The following ELMO1 variants were observed in gnomAD, a reference collection of about 807,000 sequenced individuals.
ELMO1 encodes engulfment and cell motility protein 1.
Under a neutral mutation model 98.9 loss-of-function variants are expected in ELMO1, and 26 were observed. The ratio of observed to expected loss-of-function variants is 0.26; its 90% confidence interval spans 0.19 to 0.36. The LOEUF is 0.36. Ranked by LOEUF, ELMO1 falls within the 10% of genes least tolerant of loss-of-function variation. The pLI is 1.00. For missense variants in ELMO1, 627 were observed against 935.2 expected, an observed-to-expected ratio of 0.67 and a Z score of 4.30; for synonymous variants, 346 against 346.0, an observed-to-expected ratio of 1.00 and a Z score of 0.00.
At chr7:37,062,561 C>T (rs1312621676) in intron 15 of ELMO1, among the ~76,000 whole-genome samples, 1 of 152,120 alleles carries the variant, frequency 6.6e-6, no homozygotes, top group East Asian at 1.9e-4. Flanking sequence ...TCCTCTTTCT[C>T]CTTTCCCCAA....
At chr7:37,244,808 A>G (rs1794916167) in intron 6 of ELMO1, among the ~76,000 whole-genome samples, 1 of 152,192 alleles carries the variant, frequency 6.6e-6, no homozygotes, top group Non-Finnish European at 1.5e-5. Context: ...TAGAATGTCC[A>G]CTAATTTTAC....
intron 1 of ELMO1, among the ~76,000 whole-genome samples, chr7:37,364,343 T>A (rs187410957): frequency 6.6e-6 from 1 of 152,282 alleles, no homozygotes; most frequent in Admixed American, 6.5e-5. Flanking sequence ...GTTAAATCTA[T>A]GACTAAAATT....
At chr7:36,967,979 T>G (rs1472224175) in intron 16 of ELMO1, among the ~76,000 whole-genome samples, 2 of 152,212 alleles carry the variant, frequency 1.3e-5, no homozygotes, top group Non-Finnish European at 2.9e-5. Context: ...TTTAGTAAGT[T>G]TATTATCTAA....
At chr7:37,192,989 A>G (rs1336471458) in intron 13 of ELMO1, among the ~76,000 whole-genome samples, 1 of 68,618 alleles carries the variant, frequency 1.5e-5, no homozygotes, top group Non-Finnish European at 2.9e-5. Flanking sequence ...ATATATATAT[A>G]TATATATATA....
At position 37,292,950 on chromosome 7, in the gene ELMO1, C is replaced by T. The variant is rs1262803117; in HGVS notation, c.193-21068G>A. Among the ~76,000 whole-genome samples the T allele has an allele frequency of 2.3e-4, 12 of 52,944 alleles. 2 individuals are homozygous for T. The highest frequency in any genetic ancestry group is 5.9e-4 in the African/African-American group (11 of 18,780). 34.7% of individuals were successfully genotyped at this position (52,944 alleles called of 152,430 possible). ...CAGTCCCCCGCCTGGCCAGCCGCCC[C>T]GTCCGGGAAGTGAGGGGCGCCTCTG... On this transcript the variant is annotated intron_variant, in intron 4 of 21. Coordinates refer to ENST00000310758, the MANE Select transcript of ELMO1 (RefSeq NM_014800.11).
At chr7:37,331,357 G>GTTTTTTTTTTTT (rs1371395526) in intron 2 of ELMO1, among the ~76,000 whole-genome samples, 3 of 77,202 alleles carry the variant, frequency 3.9e-5, no homozygotes, top group Non-Finnish European at 7.2e-5. Context: ...TTTTTTTTTG[G>GTTTTTTTTTTTT]AATTTTAGTA....
At chr7:37,242,277 AT>A (rs2130695115) in intron 7 of ELMO1, among the ~76,000 whole-genome samples, 1 of 152,226 alleles carries the variant, frequency 6.6e-6, no homozygotes, top group African/African-American at 2.4e-5. Flanking sequence ...GTGCTTTTCA[AT>A]TTTATAACTG....
intron 1 of ELMO1, among the ~76,000 whole-genome samples, chr7:37,417,118 G>T (rs1011690505): frequency 2.0e-4 from 31 of 152,306 alleles, no homozygotes; most frequent in African/African-American, 7.5e-4. Flanking sequence ...GGAAACTGAG[G>T]CACAGAAGTT....
intron 16 of ELMO1, among the ~76,000 whole-genome samples, chr7:36,970,213 A>ACACACACACACACG (rs1789811942): frequency 6.7e-6 from 1 of 149,520 alleles, no homozygotes; most frequent in African/African-American, 2.5e-5. Context: ...ACACACACAC[A>ACACACACACACACG]CACACACGCA....
chr7:36,887,308 C>T (rs983063613), intron 18 of ELMO1, among the ~76,000 whole-genome samples: 1 of 152,210 alleles, frequency 6.6e-6, no homozygotes, highest in Non-Finnish European at 1.5e-5. Context: ...CTATTGTTGA[C>T]ACCACCACTA....
At chr7:37,399,524 A>C (rs941617094) in intron 1 of ELMO1, among the ~76,000 whole-genome samples, 4 of 152,196 alleles carry the variant, frequency 2.6e-5, no homozygotes, top group Non-Finnish European at 5.9e-5. Context: ...GAAGCCAAGC[A>C]CTTGCCCACT....
chr7:37,048,329 A>G (rs76484311), intron 15 of ELMO1, among the ~76,000 whole-genome samples: 2,954 of 152,296 alleles, frequency 0.019, 43 homozygotes, highest in Non-Finnish European at 0.026. Context: ...ATAAAAATCT[A>G]TTTTACCAAT....
chr7:37,276,596 G>A (rs1218049812), intron 4 of ELMO1, among the ~76,000 whole-genome samples: 1 of 152,208 alleles, frequency 6.6e-6, no homozygotes, highest in Non-Finnish European at 1.5e-5. Context: ...GGGTGACGGA[G>A]CGAGACTCCG....
intron 1 of ELMO1, among the ~76,000 whole-genome samples, chr7:37,416,918 C>G (rs183938427): frequency 4.0e-4 from 61 of 152,294 alleles, no homozygotes; most frequent in African/African-American, 1.4e-3. Context: ...ACAGTGTTTA[C>G]TTTTGTGTTT....
At chr7:37,075,186 G>T (rs1413768387) in intron 15 of ELMO1, among the ~76,000 whole-genome samples, 1 of 143,368 alleles carries the variant, frequency 7.0e-6, no homozygotes, top group African/African-American at 2.6e-5. Flanking sequence ...TCGCTCTGTT[G>T]CCCAGGCTGG....
chr7:37,074,894 C>T (rs1255004246), intron 15 of ELMO1, among the ~76,000 whole-genome samples: 1 of 152,168 alleles, frequency 6.6e-6, no homozygotes, highest in Non-Finnish European at 1.5e-5. Context: ...ATTACAGAGA[C>T]TTTCAAGGCC....
At chr7:37,227,602 T>C (rs546295895) in intron 8 of ELMO1, among the ~76,000 whole-genome samples, 52 of 152,246 alleles carry the variant, frequency 3.4e-4, no homozygotes, top group Admixed American at 3.4e-3. Context: ...GCCAGGCTGA[T>C]ATCGAACTCC....
intron 1 of ELMO1, among the ~76,000 whole-genome samples, chr7:37,418,176 G>A (rs1261493861): frequency 1.3e-5 from 2 of 152,154 alleles, no homozygotes; most frequent in African/African-American, 4.8e-5. Context: ...CACTTGACCT[G>A]ACCTATCTGC....
intron 15 of ELMO1, among the ~76,000 whole-genome samples, chr7:37,015,640 C>T (rs561547650): frequency 2.0e-4 from 31 of 152,216 alleles, no homozygotes; most frequent in Non-Finnish European, 3.8e-4. Context: ...GAAATGAAGT[C>T]CCCTCTGCCT....
Sources: allele counts gnomAD v4.1 joint callset (sites outside exome capture counted in the v4.1 genomes callset), GRCh38; gene constraint gnomAD v4.1.1; transcripts MANE v1.5; gene names NCBI Gene and HGNC (gene_info 2026-07-23, HGNC 2026-07-21).